FOXP1: variants seen among roughly 807,000 people sequenced by gnomAD.
FOXP1 encodes the protein forkhead box protein P1.
FOXP1 carries 15 observed loss-of-function variants against 98.2 expected under a neutral mutation model. The ratio of observed to expected loss-of-function variants is 0.15; its 90% CI spans 0.10 to 0.24. The LOEUF is 0.24. Ranked by LOEUF, FOXP1 falls within the 10% of genes least tolerant of loss-of-function variation. The pLI is 1.00. For missense variants in FOXP1, 633 were observed against 848.5 expected (o/e 0.75, Z 3.15); for synonymous variants, 371 against 314.5 (o/e 1.18, Z -1.90).
rs1476359844 is a variant in FOXP1, at chr3:71,389,978, G to A, written c.-167-30734C>T. ...AAAGCTCAGGCTGCGGTTTCTTGCC[G>A]AGGCAGCAAACTCCACTGAAAGAGA... On this transcript the variant is annotated intron_variant, in intron 3 of 20. Coordinates refer to ENST00000649528, the MANE Select transcript of FOXP1 (RefSeq NM_001349338.3). 2.6e-5 allele frequency among the ~76,000 whole-genome samples: 4 copies of A among 152,148 alleles called. No individual in the cohort carries two copies. In the South Asian group the frequency reaches 6.2e-4, roughly 24 times the overall value.
chr3:71,485,356 G>A (rs1435370617), intron 3 of FOXP1, among the ~76,000 whole-genome samples: 1 of 152,178 alleles, frequency 6.6e-6, no homozygotes, highest in Non-Finnish European at 1.5e-5. Flanking sequence ...TCAAGCTTCT[G>A]CCCCAACATT....
intron 9 of FOXP1, among the ~76,000 whole-genome samples, chr3:71,047,510 C>A (rs554035930): frequency 1.6e-4 from 25 of 152,274 alleles, no homozygotes; most frequent in Admixed American, 2.6e-4. Context: ...CTGCCTGCAC[C>A]GGCAGAAGCT....
intron 12 of FOXP1, among the ~76,000 whole-genome samples, chr3:71,003,079 G>A (rs1456414275): frequency 6.6e-6 from 1 of 152,174 alleles, no homozygotes; most frequent in Non-Finnish European, 1.5e-5. Flanking sequence ...GAACCCAAAC[G>A]ACATGCCAGA....
chr3:71,176,786 G>T (rs1328225301), intron 6 of FOXP1, among the ~76,000 whole-genome samples: 1 of 149,884 alleles, frequency 6.7e-6, no homozygotes, highest in African/African-American at 2.5e-5. Flanking sequence ...CGGGGGGCGG[G>T]TGCGGTGGCT....
chr3:70,985,944 TATTA>T (rs1467732487), intron 14 of FOXP1, among the ~76,000 whole-genome samples: 1 of 152,212 alleles, frequency 6.6e-6, no homozygotes, highest in East Asian at 1.9e-4. Context: ...ATTCAAAAGC[TATTA>T]ATTTTTCAGT....
chr3:71,172,855 T>G (rs1039615774), intron 6 of FOXP1, among the ~76,000 whole-genome samples: 1 of 152,222 alleles, frequency 6.6e-6, no homozygotes, highest in African/African-American at 2.4e-5. Context: ...CCCCCAAAAT[T>G]ACTGAAGCGC....
chr3:71,226,494 CCAGGCACAAGTGATGG>C, intron 5 of FOXP1, among the ~76,000 whole-genome samples: 1 of 151,972 alleles, frequency 6.6e-6, no homozygotes, highest in East Asian at 1.9e-4. Flanking sequence ...AGAGCCTCTT[CCAGGCACAAGTGATGG>C]CAGGGTCTAC....
intron 5 of FOXP1, among the ~76,000 whole-genome samples, chr3:71,214,179 C>T (rs1031177040): frequency 9.2e-5 from 14 of 152,204 alleles, no homozygotes; most frequent in South Asian, 2.1e-4. Context: ...AGATATGCTC[C>T]GCCCATCCAT....
chr3:71,489,674 C>T (rs192390570), intron 3 of FOXP1, among the ~76,000 whole-genome samples: 46 of 152,282 alleles, frequency 3.0e-4, no homozygotes, highest in Admixed American at 2.7e-3. Flanking sequence ...TCCTGGTGAA[C>T]GGTGGCATTA....
At chr3:71,375,705 A>G (rs988195446) in intron 3 of FOXP1, among the ~76,000 whole-genome samples, 4 of 152,196 alleles carry the variant, frequency 2.6e-5, no homozygotes, top group African/African-American at 9.7e-5. Context: ...CACATTTGGA[A>G]ATAATAACAA....
intron 6 of FOXP1, among the ~76,000 whole-genome samples, chr3:71,144,208 G>C (rs1262835261): frequency 3.3e-5 from 5 of 152,158 alleles, no homozygotes; most frequent in African/African-American, 1.2e-4. Flanking sequence ...GAAGGCAAAA[G>C]TAAAACCAGA....
At chr3:71,483,675 T>C (rs773844699) in intron 3 of FOXP1, among the ~76,000 whole-genome samples, 24 of 152,102 alleles carry the variant, frequency 1.6e-4, no homozygotes, top group Non-Finnish European at 2.8e-4. Flanking sequence ...CAAAGGTAAA[T>C]AGTTGTAACA....
At chr3:71,316,411 C>G (rs1350671884) in intron 4 of FOXP1, among the ~76,000 whole-genome samples, 1 of 152,090 alleles carries the variant, frequency 6.6e-6, no homozygotes, top group Non-Finnish European at 1.5e-5. Flanking sequence ...CTAACCATCA[C>G]CCCAGATGCT....
intron 3 of FOXP1, among the ~76,000 whole-genome samples, chr3:71,392,981 A>G (rs960809339): frequency 2.6e-5 from 4 of 152,210 alleles, no homozygotes; most frequent in African/African-American, 7.2e-5. Flanking sequence ...CATTCAAACT[A>G]ATTTTTTTAT....
intron 4 of FOXP1, among the ~76,000 whole-genome samples, chr3:71,353,018 T>C (rs1234501428): frequency 1.3e-5 from 2 of 152,122 alleles, no homozygotes; most frequent in Admixed American, 6.5e-5. Context: ...TGGGGACAGA[T>C]GTGGACAAAG....
chr3:71,581,281 T>C, intron 2 of FOXP1: 2 of 985,324 alleles, frequency 2.0e-6, no homozygotes, highest in Non-Finnish European at 2.4e-6. Context: ...GATGTCACCA[T>C]ATTTTATCGG....
At chr3:71,482,488 C>CAT (rs2090351501) in intron 3 of FOXP1, among the ~76,000 whole-genome samples, 1 of 151,066 alleles carries the variant, frequency 6.6e-6, no homozygotes, top group South Asian at 2.1e-4. Context: ...CCGGCCTCAG[C>CAT]AGTAACAGGG....
At chr3:71,548,659 A>G (rs1349120522) in intron 2 of FOXP1, among the ~76,000 whole-genome samples, 1 of 152,126 alleles carries the variant, frequency 6.6e-6, no homozygotes, top group Non-Finnish European at 1.5e-5. Flanking sequence ...TTGGCCTTCC[A>G]AGGTGCTGAG....
At chr3:70,964,540 G>A (rs1355010183) in intron 20 of FOXP1, among the ~76,000 whole-genome samples, 1 of 152,078 alleles carries the variant, frequency 6.6e-6, no homozygotes, top group Non-Finnish European at 1.5e-5. Flanking sequence ...ACCAATTTAC[G>A]TTTGCTCTGA....
Sources: gnomAD v4.1 joint callset for allele counts (sites outside exome capture counted in the v4.1 genomes callset) on GRCh38, gnomAD v4.1.1 for gene constraint, MANE v1.5 for transcripts, NCBI Gene and HGNC (gene_info 2026-07-23, HGNC 2026-07-21) for gene names.